Variants in SYNPR observed in about 807,000 individuals in gnomAD.
SYNPR encodes synaptoporin.
Under a neutral mutation model 32.9 loss-of-function variants are expected in SYNPR, and 23 were observed. That is an observed-to-expected ratio of 0.70 (90% confidence interval 0.50 to 0.99). The LOEUF is 0.99. Among genes scored for constraint, SYNPR ranks in the 50% least tolerant of loss-of-function variants. The pLI, the probability that SYNPR is intolerant of heterozygous loss-of-function variation, is 0.00. For synonymous variants in SYNPR, 146 were observed against 135.9 expected (o/e 1.07, Z -0.52); for missense variants, 318 against 349.3 (o/e 0.91, Z 0.71).
intron 2 of SYNPR, among the ~76,000 whole-genome samples, chr3:63,470,142 C>T (rs929111780): frequency 6.6e-6 from 1 of 152,178 alleles, no homozygotes; most frequent in African/African-American, 2.4e-5. Context: ...AACACTTCAG[C>T]ATTATGTTTC....
intron 3 of SYNPR, among the ~76,000 whole-genome samples, chr3:63,549,271 T>C (rs1702461874): frequency 6.6e-6 from 1 of 152,210 alleles, no homozygotes; most frequent in South Asian, 2.1e-4. Context: ...TAGAATCCTA[T>C]TCAGTACAGA....
chr3:63,258,866 T>C (rs1275361044), intron 2 of SYNPR, among the ~76,000 whole-genome samples: 2 of 151,752 alleles, frequency 1.3e-5, no homozygotes, highest in Non-Finnish European at 2.9e-5. Context: ...ATCAAATAGA[T>C]GCAATAAAAA....
chr3:63,354,315 C>T (rs947579618), intron 2 of SYNPR, among the ~76,000 whole-genome samples: 2 of 152,190 alleles, frequency 1.3e-5, no homozygotes, highest in African/African-American at 4.8e-5. Context: ...GGTTTGCTTT[C>T]CTGAATCATC....
At chr3:63,615,150 G>C in intron 5 of SYNPR, 74 bp from the exon 6 acceptor site, 2 of 1,521,114 alleles carry the variant, frequency 1.3e-6, no homozygotes, top group Non-Finnish European at 8.9e-7. Context: ...TATTGTGAAG[G>C]ATTTTTCCAA....
chr3:63,549,494 T>G (rs905940), intron 3 of SYNPR, among the ~76,000 whole-genome samples: 1 of 151,922 alleles, frequency 6.6e-6, no homozygotes, highest in Admixed American at 6.6e-5. Flanking sequence ...AGGTCATTAT[T>G]CTTTCCAAGC....
chr3:63,410,810 GGGGCAGCAGAAGCCCC>G (rs1320117818), intron 2 of SYNPR, among the ~76,000 whole-genome samples: 1 of 152,144 alleles, frequency 6.6e-6, no homozygotes, highest in Non-Finnish European at 1.5e-5. Context: ...TAGCTGGTGA[GGGGCAGCAGAAGCCCC>G]TGACTTTGAG....
chr3:63,607,858 G>A (rs1402285092), intron 4 of SYNPR, among the ~76,000 whole-genome samples: 2 of 130,888 alleles, frequency 1.5e-5, no homozygotes, highest in Non-Finnish European at 3.4e-5. Context: ...ATGGGATCGT[G>A]ATGAAAAGTA....
chr3:63,328,827 T>C (rs2087193421), intron 2 of SYNPR, among the ~76,000 whole-genome samples: 1 of 152,190 alleles, frequency 6.6e-6, no homozygotes, highest in Non-Finnish European at 1.5e-5. Context: ...AGTGGTGGCT[T>C]TATTTTCTTC....
the SYNPR span, among the ~76,000 whole-genome samples, chr3:63,209,315 C>CAAAAA: frequency 4.1e-4 from 42 of 103,104 alleles, no homozygotes; most frequent in East Asian, 6.6e-4. Context: ...GACTCCGTCT[C>CAAAAA]AAAAAAAAAA....
intron 2 of SYNPR, among the ~76,000 whole-genome samples, chr3:63,255,644 G>C (rs1344711275): frequency 1.3e-5 from 2 of 152,166 alleles, no homozygotes; most frequent in African/African-American, 4.8e-5. Context: ...AATAGGAACA[G>C]CTCCAGTCTA....
At chr3:63,560,897 C>T (rs770778863) in intron 4 of SYNPR, among the ~76,000 whole-genome samples, 2 of 152,212 alleles carry the variant, frequency 1.3e-5, no homozygotes, top group Admixed American at 1.3e-4. Context: ...GGTGGGGACA[C>T]AAAGCCTAAC....
At chr3:63,339,450 T>C (rs2087335750) in intron 2 of SYNPR, among the ~76,000 whole-genome samples, 1 of 152,218 alleles carries the variant, frequency 6.6e-6, no homozygotes, top group East Asian at 1.9e-4. Flanking sequence ...TTTCCTGATG[T>C]TAATGTCTTG....
chr3:63,461,962 A>G (rs553629088), intron 2 of SYNPR, among the ~76,000 whole-genome samples: 1 of 152,050 alleles, frequency 6.6e-6, no homozygotes, highest in Non-Finnish European at 1.5e-5. Context: ...AATAATTACC[A>G]AAGAGTGACT....
At chr3:63,612,475 C>T (rs530426571) in intron 5 of SYNPR, among the ~76,000 whole-genome samples, 14 of 152,294 alleles carry the variant, frequency 9.2e-5, no homozygotes, top group East Asian at 5.8e-4. Context: ...TCTTTTTAGA[C>T]GATCTAGATC....
At chr3:63,267,964 T>C (rs1453357482) in intron 3 of SYNPR, among the ~76,000 whole-genome samples, 2 of 152,164 alleles carry the variant, frequency 1.3e-5, no homozygotes, top group Non-Finnish European at 2.9e-5. Flanking sequence ...TCAGCAAAAA[T>C]AGAAATATTT....
intron 2 of SYNPR, among the ~76,000 whole-genome samples, chr3:63,419,112 T>C (rs530087920): frequency 1.4e-4 from 21 of 152,332 alleles, no homozygotes; most frequent in Non-Finnish European, 2.5e-4. Flanking sequence ...TCTTATTTAT[T>C]TGAGACATCA....
In SYNPR at chr3:63,460,019, T is replaced by C. The variant is rs140259277; in HGVS notation, c.85-20813T>C. ...CTGTCTGTCTCAGATGACTGCAACA[T>C]CCCATAAAAGTTCTCACTGTTTTCT... is the stretch of plus-strand genomic sequence containing the variant. On this transcript the variant is annotated intron_variant, in intron 2 of 5. Coordinates refer to ENST00000478300, the MANE Select transcript of SYNPR (RefSeq NM_001130003.2). Among the ~76,000 whole-genome samples the C allele has an allele frequency of 2.0e-3, 306 of 152,200 alleles. 1 individual carries two copies. Among genetic ancestry groups the C allele is most frequent in the African/African-American group, 6.9e-3 (287 of 41,534 alleles).
chr3:63,225,411 G>A (rs1212694227), upstream of SYNPR, among the ~76,000 whole-genome samples: 2 of 152,130 alleles, frequency 1.3e-5, no homozygotes. Flanking sequence ...CTGGCTGGCA[G>A]GGAATCCAAT....
intron 2 of SYNPR, among the ~76,000 whole-genome samples, chr3:63,330,708 A>G (rs185963523): frequency 7.9e-5 from 12 of 152,278 alleles, no homozygotes; most frequent in Admixed American, 7.8e-4. Flanking sequence ...GCCCTATAAA[A>G]GAGGAATTAT....
Sources: allele counts gnomAD v4.1 joint callset (sites outside exome capture counted in the v4.1 genomes callset), GRCh38; gene constraint gnomAD v4.1.1; transcripts MANE v1.5; gene names NCBI Gene and HGNC (gene_info 2026-07-23, HGNC 2026-07-21).